The following IL5RA variants were observed in gnomAD, a reference collection of about 807,000 sequenced individuals.
IL5RA encodes interleukin-5 receptor subunit alpha.
IL5RA carries 49 observed loss-of-function variants against 50.0 expected under a neutral mutation model. The ratio of observed to expected loss-of-function variants is 0.98; its 90% CI spans 0.78 to 1.24. The LOEUF (loss-of-function observed/expected upper bound fraction) is 1.24, where lower values mean the gene tolerates loss of function less well. IL5RA is among the 50% of genes most tolerant of loss of function. IL5RA has a pLI of 0.00. For synonymous variants in IL5RA, 202 were observed against 174.0 expected (o/e 1.16, Z -1.26); for missense variants, 600 against 500.4 (o/e 1.20, Z -1.90).
chr3:3,096,512 C>A (rs1355408079), intron 7 of IL5RA, among the ~76,000 whole-genome samples: 1 of 151,768 alleles, frequency 6.6e-6, no homozygotes, highest in Admixed American at 6.6e-5. Flanking sequence ...CCTCCTATAC[C>A]CTATGAAGAA....
At chr3:3,090,546 C>CTTTTT (rs10711626) in intron 9 of IL5RA, among the ~76,000 whole-genome samples, 2 of 131,614 alleles carry the variant, frequency 1.5e-5, no homozygotes, top group Non-Finnish European at 3.2e-5. Flanking sequence ...TTTGAATTTT[C>CTTTTT]TTTTTTTTTT....
chr3:3,075,406 T>A (rs1702444701), intron 10 of IL5RA, among the ~76,000 whole-genome samples: 1 of 151,770 alleles, frequency 6.6e-6, no homozygotes, highest in Non-Finnish European at 1.5e-5. Flanking sequence ...TTTCACCATG[T>A]TGCCCAGGCT....
At chr3:3,087,275 A>G (rs1702903993) in intron 9 of IL5RA, among the ~76,000 whole-genome samples, 1 of 152,120 alleles carries the variant, frequency 6.6e-6, no homozygotes, top group African/African-American at 2.4e-5. Context: ...AGGACAGGAG[A>G]GCCAATCAGG....
At chr3:3,089,688 G>T (rs1046757471) in intron 9 of IL5RA, among the ~76,000 whole-genome samples, 1 of 151,790 alleles carries the variant, frequency 6.6e-6, no homozygotes, top group Non-Finnish European at 1.5e-5. Context: ...GAGTACAGTG[G>T]CGCAATCTTG....
At chr3:3,076,702 C>CCTCATCA in intron 9 of IL5RA, 75 bp from the exon 10 acceptor site, 1 of 923,286 alleles carries the variant, frequency 1.1e-6, no homozygotes, top group Non-Finnish European at 1.7e-6. Context: ...AATGATGAGG[C>CCTCATCA]TTGGGTCATC....
chr3:3,098,212 T>C lies in IL5RA; in HGVS notation c.446A>G (p.Tyr149Cys). The change falls in exon 6 of 12, where the codon TAC becomes TGC. Residue 149 changes from tyrosine (Y) to cysteine (C), a missense_variant. Tyr to Cys is a radical substitution (Grantham distance 194). Coordinates refer to ENST00000446632, the MANE Select transcript of IL5RA (RefSeq NM_175726.4). Reference protein sequence around the residue: ...TEDNYSRLRSYQVSLHCTWLV... With the variant: ...TEDNYSRLRSCQVSLHCTWLV... ...CCAGGTGCAGTGAAGGGAAACTTGGTATGACCTTAAACGTGAATAATTGTC... is the reference window on the plus strand; with the variant it reads ...CCAGGTGCAGTGAAGGGAAACTTGGCATGACCTTAAACGTGAATAATTGTC... 1 of 1,614,092 alleles carries C rather than the reference T, an allele frequency of 6.2e-7. No homozygotes were observed. The highest frequency in any genetic ancestry group is 8.5e-7 in the Non-Finnish European group (1 of 1,179,954).
At chr3:3,107,510 C>T (rs1437344019) in intron 2 of IL5RA, among the ~76,000 whole-genome samples, 2 of 152,114 alleles carry the variant, frequency 1.3e-5, no homozygotes, top group Non-Finnish European at 2.9e-5. Flanking sequence ...TTAGCTTAAA[C>T]ATATATATCG....
intron 7 of IL5RA, among the ~76,000 whole-genome samples, chr3:3,095,766 T>C (rs1221467439): frequency 6.6e-6 from 1 of 152,026 alleles, no homozygotes; most frequent in Non-Finnish European, 1.5e-5. Flanking sequence ...ACTACTCAAG[T>C]TGTACCAGGC....
intron 9 of IL5RA, among the ~76,000 whole-genome samples, chr3:3,081,126 T>C (rs1341803832): frequency 6.6e-6 from 1 of 152,202 alleles, no homozygotes; most frequent in African/African-American, 2.4e-5. Flanking sequence ...GCTTTTGTCT[T>C]CCTAAATCCT....
At chr3:3,106,563 A>C (rs528867870) in intron 2 of IL5RA, among the ~76,000 whole-genome samples, 1 of 152,336 alleles carries the variant, frequency 6.6e-6, no homozygotes, top group South Asian at 2.1e-4. Context: ...AATTAAAAAA[A>C]AAATGAAACG....
chr3:3,104,943 G>A lies in IL5RA; in HGVS notation c.42C>T (p.Ala14=). The A allele has an allele frequency of 6.2e-7, 1 of 1,612,682 alleles. No individual in the cohort carries two copies. The highest frequency in any genetic ancestry group is 1.7e-5 in the Admixed American group (1 of 59,942). ...GTAAGTCAGCTTGCAGTATCTCAGTGGCCCCCAAAAGGATGAGTAATACAT... is the reference window on the plus strand; with the variant it reads ...GTAAGTCAGCTTGCAGTATCTCAGTAGCCCCCAAAAGGATGAGTAATACAT... ...VAHVLLILLG[A]TEILQADLLP... Residue 14 remains alanine, a synonymous_variant, in exon 3 of 12, where the codon GCC becomes GCT. Transcript: ENST00000446632.
At chr3:3,076,422 C>G in intron 10 of IL5RA, 109 bp downstream of exon 10, 2 of 711,584 alleles carry the variant, frequency 2.8e-6, no homozygotes, top group Non-Finnish European at 4.8e-6. Flanking sequence ...AAAAATGCCA[C>G]AAATTTTACC....
rs17659353 is a variant in IL5RA, at chr3:3,069,752, C to T, written c.*473G>A. 0.16 allele frequency: 25,509 copies of T among 154,862 alleles called. 2,687 individuals are homozygous for T. The highest frequency in any genetic ancestry group is 0.24 in the Non-Finnish European group (16,570 of 69,900). 9.6% of individuals were successfully genotyped at this position (154,862 alleles called of 1,614,324 possible). ...TGGCTCTCACTTGCTATAGAAAAGACAGTCTTGAATCCAAGTTCATGGTTC... is the reference window on the plus strand; with the variant it reads ...TGGCTCTCACTTGCTATAGAAAAGATAGTCTTGAATCCAAGTTCATGGTTC... On this transcript the variant is annotated 3_prime_UTR_variant, in exon 12 of 12. Transcript: ENST00000446632.
chr3:3,101,658 A>C, intron 5 of IL5RA, 34 bp downstream of exon 5: 1 of 1,600,192 alleles, frequency 6.2e-7, no homozygotes, highest in Non-Finnish European at 8.5e-7. Context: ...AAAGTCCAAA[A>C]CATACAAACT....
At chr3:3,104,748 A>G (rs992103788) in intron 3 of IL5RA, among the ~76,000 whole-genome samples, 155 bp downstream of exon 3, 4 of 152,230 alleles carry the variant, frequency 2.6e-5, no homozygotes, top group African/African-American at 9.6e-5. Context: ...AAAATATGGC[A>G]TGTTTAAAGC....
At chr3:3,103,020 G>A (rs369261204) in intron 3 of IL5RA, 200 bp from the exon 4 acceptor site, 53 of 443,986 alleles carry the variant, frequency 1.2e-4, no homozygotes, top group Middle Eastern at 6.1e-4. Context: ...GACTACAGGC[G>A]CATGCCACCA....
intron 9 of IL5RA, among the ~76,000 whole-genome samples, chr3:3,080,758 G>A (rs1702635571): frequency 1.3e-5 from 2 of 152,298 alleles, no homozygotes; most frequent in East Asian, 3.9e-4. Flanking sequence ...GCAGTGGCAT[G>A]ATCATAGCTC....
chr3:3,076,552 A>T lies in IL5RA; in HGVS notation c.1070T>A (p.Ile357Asn). 6.2e-7 allele frequency: 1 copy of T among 1,609,770 alleles called. No individual in the cohort carries two copies. ...TTACATTTTACAGATAAGCGAGAGAATTAACAAGATGAAGCAGATGGTTGC... is the reference window on the plus strand; with the variant it reads ...TTACATTTTACAGATAAGCGAGAGATTTAACAAGATGAAGCAGATGGTTGC... ...IMATICFILL[I>N]LSLICKICHL... Residue 357 changes from isoleucine to asparagine, a missense_variant, in exon 10 of 12, where the codon ATT becomes AAT. Transcript: ENST00000446632.
chr3:3,074,450 A>G (rs1214532647), intron 11 of IL5RA, among the ~76,000 whole-genome samples: 1 of 152,198 alleles, frequency 6.6e-6, no homozygotes, highest in Non-Finnish European at 1.5e-5. Flanking sequence ...CCAATATGTC[A>G]GAAGAGTAAT....
Sources: gnomAD v4.1 joint callset for allele counts (sites outside exome capture counted in the v4.1 genomes callset) on GRCh38, gnomAD v4.1.1 for gene constraint, MANE v1.5 for transcripts, NCBI Gene and HGNC (gene_info 2026-07-23, HGNC 2026-07-21) for gene names.